VPS52: variants seen among roughly 807,000 people sequenced by gnomAD.
VPS52 encodes VPS52 subunit of GARP complex, also known as vacuolar protein sorting-associated protein 52 homolog.
A neutral mutation model predicts 98.7 loss-of-function variants in VPS52; 56 were observed. The ratio of observed to expected loss-of-function variants is 0.57; its 90% CI spans 0.46 to 0.71. The LOEUF (loss-of-function observed/expected upper bound fraction) is 0.71, where lower values mean the gene tolerates loss of function less well. Among genes scored for constraint, VPS52 ranks in the 30% least tolerant of loss-of-function variants. VPS52 has a pLI of 0.00. For missense variants in VPS52, 742 were observed against 925.9 expected (o/e 0.80, Z 2.58); for synonymous variants, 348 against 346.4 (o/e 1.00, Z -0.05).
chr6:33,250,726 G>C lies in VPS52; in HGVS notation c.*115C>G. The C allele has an allele frequency of 7.1e-7, 1 of 1,416,944 alleles. No homozygotes were observed. The highest frequency in any genetic ancestry group is 1.3e-5 in the South Asian group (1 of 74,560). The allele number at this position is 1,416,944 out of a possible 1,614,324, so 87.8% of individuals were successfully genotyped here. On this transcript the variant is annotated 3_prime_UTR_variant, in exon 20 of 20. Transcript: ENST00000445902. Reference sequence around the variant, plus strand: ...AGTGAAGGCAGGTAAGCCATGTCAAGGGCCTGGGAAGCAAGGGGAAAACTG... The same window carrying C: ...AGTGAAGGCAGGTAAGCCATGTCAACGGCCTGGGAAGCAAGGGGAAAACTG...
intron 12 of VPS52, 31 bp downstream of exon 12, chr6:33,266,526 T>C (rs1562566044): frequency 6.4e-7 from 1 of 1,552,152 alleles, no homozygotes; most frequent in Middle Eastern, 1.7e-4. Context: ...GGGACAAAGG[T>C]GTTGAATGGT....
intron 17 of VPS52, among the ~76,000 whole-genome samples, chr6:33,261,436 CA>C (rs1418408739): frequency 6.6e-6 from 1 of 150,580 alleles, no homozygotes; most frequent in Non-Finnish European, 1.5e-5. Flanking sequence ...CACTGCACTC[CA>C]GCCTAGGTGA....
intron 17 of VPS52, among the ~76,000 whole-genome samples, chr6:33,252,550 C>A (rs1027126100): frequency 1.4e-5 from 2 of 145,830 alleles, no homozygotes; most frequent in African/African-American, 5.1e-5. Flanking sequence ...GATCATGCCA[C>A]TGCACTCCAG....
Position 33,268,591 on chromosome 6 carries a change from C to T in VPS52, c.607G>A (p.Asp203Asn). 6.2e-7 allele frequency: 1 copy of T among 1,611,662 alleles called. No individual in the cohort carries two copies. Among genetic ancestry groups the T allele is most frequent in the East Asian group, 2.2e-5 (1 of 44,874 alleles). ...PRFLEQLQEL[D>N]AKAAAVREQE... ...TCTCTGACTGCGGCTGCCTTGGCATCCAGCTCCTGTAGCTGCTCCAAGAAC... is the reference window on the plus strand; with the variant it reads ...TCTCTGACTGCGGCTGCCTTGGCATTCAGCTCCTGTAGCTGCTCCAAGAAC... Residue 203 changes from aspartate (D) to asparagine (N), a missense_variant, in exon 7 of 20, where the codon GAT becomes AAT. By Grantham distance (23) the Asp-to-Asn change is conservative. This residue lies in a region of VPS52 where 590 missense variants were observed against 793.3 expected (regional missense o/e 0.74). Transcript: ENST00000445902. The surrounding 1 kb of genome is among the most constrained non-coding windows in gnomAD (Gnocchi z 4.0).
intron 3 of VPS52, 78 bp downstream of exon 3, chr6:33,269,921 A>G: frequency 6.2e-7 from 1 of 1,605,046 alleles, no homozygotes. Context: ...GGCTGATACA[A>G]CAAAAGCAAG....
intron 17 of VPS52, among the ~76,000 whole-genome samples, chr6:33,258,480 T>TAAC (rs1763264704): frequency 1.7e-5 from 2 of 120,774 alleles, no homozygotes; most frequent in South Asian, 2.6e-4. Context: ...AAAAAAAAAG[T>TAAC]AAAAAGATAC....
At chr6:33,254,369 A>G (rs1382197435) in intron 17 of VPS52, among the ~76,000 whole-genome samples, 2 of 152,208 alleles carry the variant, frequency 1.3e-5, no homozygotes, top group African/African-American at 4.8e-5. Flanking sequence ...TCAAATAACT[A>G]ATATGCTGCA....
At chr6:33,261,872 C>G (rs1278308747) in intron 17 of VPS52, among the ~76,000 whole-genome samples, 1 of 151,864 alleles carries the variant, frequency 6.6e-6, no homozygotes, top group African/African-American at 2.4e-5. Context: ...GAAACCCCAT[C>G]TCTACTAAAA....
At position 33,266,673 on chromosome 6, in the gene VPS52, G is replaced by A. The variant is rs1171020119; in HGVS notation, c.1165C>T (p.Leu389Phe). 1.2e-6 allele frequency: 2 copies of A among 1,612,856 alleles called. No homozygotes were observed. The highest frequency in any genetic ancestry group is 1.7e-5 in the Admixed American group (1 of 59,998). The stretch of plus-strand genomic sequence containing the variant: ...TATTCGCGGCAGGAATTGTCTAGGA[G>A]GGCGTAGTGCTGGCTGCGGAAGAGG... Reference protein sequence around the residue: ...EALFRSQHYALLDNSCREYLF... With the variant: ...EALFRSQHYAFLDNSCREYLF... The change falls in exon 12 of 20, where the codon CTC becomes TTC. Residue 389 changes from leucine (L) to phenylalanine (F), a missense_variant. Around this residue, in one of 2 missense-constraint regions of VPS52, gnomAD observed 590 missense variants for 793.3 expected, o/e 0.74. Coordinates refer to ENST00000445902, the MANE Select transcript of VPS52 (RefSeq NM_022553.6).
rs531738 is a variant in VPS52 at position 33,263,414 on chromosome 6, C to G, written c.1794+70G>C. On this transcript the variant is annotated intron_variant, in intron 17 of 19. Transcript: ENST00000445902. The stretch of plus-strand genomic sequence containing the variant: ...ACACACACACACACACACACACACA[C>G]AGAGAGAGAGAGAGAGAGAGCTGAA... 7,590 of 942,578 alleles carry G rather than the reference C, an allele frequency of 8.1e-3. 5 individuals are homozygous for G. The highest frequency in any genetic ancestry group is 9.2e-3 in the South Asian group (572 of 62,040). The allele number at this position is 942,578 out of a possible 1,614,324, so 58.4% of individuals were successfully genotyped here. A position where few individuals can be genotyped will look rare whatever the true frequency, so the allele number is the denominator to read the frequency against.
At chr6:33,266,339 C>T (rs1233596837) in intron 12 of VPS52, among the ~76,000 whole-genome samples, 2 of 151,764 alleles carry the variant, frequency 1.3e-5, no homozygotes, top group African/African-American at 4.8e-5. Flanking sequence ...GAGGTTGTTG[C>T]CCAGGCTGGT....
intron 11 of VPS52, 45 bp from the exon 12 acceptor site, chr6:33,266,757 C>T: frequency 6.4e-7 from 1 of 1,562,224 alleles, no homozygotes; most frequent in Non-Finnish European, 8.7e-7. Flanking sequence ...GGATGGACCC[C>T]AACACTGACT....
chr6:33,269,726 C>T lies in VPS52; in HGVS notation c.304+18G>A, dbSNP rs760271320. 6.2e-7 allele frequency: 1 copy of T among 1,612,332 alleles called. No homozygotes were observed. On this transcript the variant is annotated intron_variant, in intron 4 of 19. Transcript: ENST00000445902. ...CCCCATGTCAATAGCACCACCCCTT[C>T]CCTCTGCTGGAGGATACAATCCCGA...
At position 33,250,922 on chromosome 6, in the gene VPS52, G is replaced by A. The variant is rs780530223; in HGVS notation, c.2091C>T (p.Leu697=). 6.2e-7 allele frequency: 1 copy of A among 1,613,122 alleles called. No individual in the cohort carries two copies. Among genetic ancestry groups the A allele is most frequent in the African/African-American group, 1.3e-5 (1 of 75,068 alleles). The stretch of plus-strand genomic sequence containing the variant: ...GCTCAGCCCGGGCAGGGAGGGCTCG[G>A]AGCTGCGGCTGGGACAGCACCCGGT... ...RFHRVLSQPQ[L]RALPARAELI... The change falls in exon 20 of 20, where the codon CTC becomes CTT. Residue 697 remains leucine, a synonymous_variant. Transcript: ENST00000445902.
At chr6:33,262,654 T>C (rs2150828304) in intron 17 of VPS52, among the ~76,000 whole-genome samples, 1 of 152,228 alleles carries the variant, frequency 6.6e-6, no homozygotes, top group South Asian at 2.1e-4. Flanking sequence ...GTAAAGAAAA[T>C]GTGGGATATA....
At chr6:33,252,588 CAAAAAAAAAAAAA>C (rs9280379) in intron 17 of VPS52, among the ~76,000 whole-genome samples, 1 of 96,174 alleles carries the variant, frequency 1.0e-5, no homozygotes, top group African/African-American at 4.1e-5. Context: ...GACTCCGTCT[CAAAAAAAAAAAAA>C]AAAAAAAAGG....
intron 17 of VPS52, among the ~76,000 whole-genome samples, chr6:33,255,214 G>A (rs1022264056): frequency 4.6e-5 from 7 of 152,110 alleles, no homozygotes; most frequent in Non-Finnish European, 1.0e-4. Context: ...AGTGACCAGA[G>A]GAAACAGTGC....
Position 33,271,633 on chromosome 6 carries a change from C to T in VPS52, c.43G>A (p.Val15Met), listed in dbSNP as rs919575555. The stretch of plus-strand genomic sequence containing the variant: ...ATATCTGAGGTCCCAGCCCGCAACA[C>T]CAGTTCCCGGGCCGCAGCCGCCATG... Reference protein sequence around the residue: ...ATMAAAARELVLRAGTSDMEE... With the variant: ...ATMAAAARELMLRAGTSDMEE... Residue 15 changes from valine (V) to methionine (M), a missense_variant, in exon 1 of 20, where the codon GTG (valine) becomes ATG (methionine). By Grantham distance (21) the Val-to-Met change is conservative (BLOSUM62 1). Around this residue, in one of 2 missense-constraint regions of VPS52, gnomAD observed 152 missense variants for 132.6 expected, o/e 1.15. Transcript: ENST00000445902. The T allele has an allele frequency of 1.9e-6, 3 of 1,611,636 alleles. No individual in the cohort carries two copies. The highest frequency in any genetic ancestry group is 2.5e-6 in the Non-Finnish European group (3 of 1,178,830).
chr6:33,259,968 T>C (rs1486071739), intron 17 of VPS52, among the ~76,000 whole-genome samples: 4 of 152,190 alleles, frequency 2.6e-5, no homozygotes, highest in South Asian at 4.2e-4. Context: ...CAAGAGAAAC[T>C]TTTGATGAAG....
Sources: allele counts gnomAD v4.1 joint callset (sites outside exome capture counted in the v4.1 genomes callset), GRCh38; gene constraint gnomAD v4.1.1; regional missense constraint gnomAD v4.1.1; non-coding constraint Gnocchi (gnomAD v3.1); transcripts MANE v1.5; gene names NCBI Gene and HGNC (gene_info 2026-07-23, HGNC 2026-07-21).